The following GOLIM4 variants were observed in gnomAD, a reference collection of about 807,000 sequenced individuals.
The protein encoded by GOLIM4 is golgi integral membrane protein 4.
GOLIM4 carries 71 observed loss-of-function variants against 107.4 expected under a neutral mutation model. That is an observed-to-expected ratio of 0.66 (90% CI 0.55 to 0.81). GOLIM4 has a LOEUF of 0.81. GOLIM4 is among the 30% of genes least tolerant of loss of function. GOLIM4 has a pLI of 0.00. For synonymous variants in GOLIM4, 327 were observed against 294.8 expected, an observed-to-expected ratio of 1.11 and a Z score of -1.12; for missense variants, 830 against 826.1, an observed-to-expected ratio of 1.00 and a Z score of -0.06.
intron 1 of GOLIM4, among the ~76,000 whole-genome samples, chr3:168,083,137 C>CT (rs1260156674): frequency 1.3e-5 from 2 of 152,124 alleles, no homozygotes; most frequent in African/African-American, 4.8e-5. Context: ...CTACTTTTGA[C>CT]TTTATTAATA....
In GOLIM4 at chr3:168,062,024, C is replaced by A. The variant is rs563026341; in HGVS notation, c.188-13659G>T. Among the ~76,000 whole-genome samples the A allele has an allele frequency of 2.0e-5, 3 of 152,268 alleles. No individual in the cohort carries two copies. The South Asian group carries it at 6.2e-4, about 32-fold the overall frequency. On this transcript the variant is annotated intron_variant, in intron 1 of 15. Coordinates refer to ENST00000470487, the MANE Select transcript of GOLIM4 (RefSeq NM_014498.5). ...ATTTACAGACTGTATGAAAGAGCTA[C>A]CTGTTTATATCACATCATGCATTTG...
intron 8 of GOLIM4, among the ~76,000 whole-genome samples, chr3:168,036,531 GAC>G (rs1169432907): frequency 2.0e-5 from 3 of 149,346 alleles, no homozygotes; most frequent in Admixed American, 6.6e-5. Flanking sequence ...GACGTAGCAT[GAC>G]ACTGTCTCAG....
At chr3:168,010,540 T>C (rs1716944337) in intron 15 of GOLIM4, 122 bp from the exon 16 acceptor site, 3 of 787,762 alleles carry the variant, frequency 3.8e-6, no homozygotes, top group Non-Finnish European at 6.1e-6. Flanking sequence ...AGAAAAATGA[T>C]ATGTAAGCAA....
rs914235925 is a variant in GOLIM4 at position 168,095,542 on chromosome 3, G to A, written c.-257C>T. The stretch of plus-strand genomic sequence containing the variant: ...CGTTCTCCGCGAATGCCCGGGGCCG[G>A]GAGGAGGCCCTCCGCATACTTCAGA... On this transcript the variant is annotated 5_prime_UTR_variant, in exon 1 of 16. Transcript: ENST00000470487. 1.3e-5 allele frequency: 6 copies of A among 470,036 alleles called. No homozygotes were observed. The highest frequency in any genetic ancestry group is 1.1e-4 in the African/African-American group (5 of 47,486). The allele number at this position is 470,036 out of a possible 1,614,324, so 29.1% of individuals were successfully genotyped here.
At chr3:168,053,212 C>A (rs1218883172) in intron 1 of GOLIM4, among the ~76,000 whole-genome samples, 1 of 152,130 alleles carries the variant, frequency 6.6e-6, no homozygotes, top group East Asian at 1.9e-4. Context: ...GGGCAAAATG[C>A]ATATCTATGC....
At chr3:168,029,140 GT>G in intron 11 of GOLIM4, 82 bp downstream of exon 11, 2 of 887,656 alleles carry the variant, frequency 2.3e-6, no homozygotes, top group Admixed American at 3.7e-5. Context: ...GCTCATTGAT[GT>G]TATATAATAT....
intron 1 of GOLIM4, among the ~76,000 whole-genome samples, chr3:168,082,178 TA>T (rs1721405163): frequency 6.6e-6 from 1 of 152,134 alleles, no homozygotes; most frequent in African/African-American, 2.4e-5. Context: ...AAAATTGACA[TA>T]TATCTTCAGG....
chr3:168,040,158 T>C (rs948331906), intron 7 of GOLIM4, among the ~76,000 whole-genome samples: 6 of 152,194 alleles, frequency 3.9e-5, no homozygotes, highest in Non-Finnish European at 7.3e-5. Flanking sequence ...ACACTTAGCA[T>C]GAAATCGCTT....
chr3:168,076,100 T>C (rs1195801335), intron 1 of GOLIM4, among the ~76,000 whole-genome samples: 1 of 152,216 alleles, frequency 6.6e-6, no homozygotes, highest in Non-Finnish European at 1.5e-5. Context: ...AGAGACGACA[T>C]CTGCCTTTAT....
Position 168,080,000 on chromosome 3 carries a change from C to A in GOLIM4, c.187+15099G>T, listed in dbSNP as rs555480338. ...TACCTTTGTATTATTGTTGCTAATA[C>A]ATGATGCTAAATTTTCCTTTACATA... On this transcript the variant is annotated intron_variant, in intron 1 of 15. Coordinates refer to ENST00000470487, the MANE Select transcript of GOLIM4 (RefSeq NM_014498.5). Among the ~76,000 whole-genome samples, 33 of 152,196 alleles carry A rather than the reference C, an allele frequency of 2.2e-4. No homozygotes were observed. The East Asian group carries it at 6.4e-3, about 29-fold the overall frequency.
chr3:168,060,939 C>T (rs767409488), intron 1 of GOLIM4, among the ~76,000 whole-genome samples: 4 of 104,182 alleles, frequency 3.8e-5, no homozygotes, highest in Non-Finnish European at 9.1e-5. Flanking sequence ...GTAAAATTAA[C>T]TTTGTATGTG....
chr3:168,046,819 A>AT, intron 3 of GOLIM4, 131 bp downstream of exon 3: 1 of 440,098 alleles, frequency 2.3e-6, no homozygotes. Context: ...AAAAAAAAAA[A>AT]GGGGGTGTCA....
At chr3:168,076,245 AT>A (rs1325743546) in intron 1 of GOLIM4, among the ~76,000 whole-genome samples, 4 of 152,322 alleles carry the variant, frequency 2.6e-5, no homozygotes, top group East Asian at 1.9e-4. Flanking sequence ...GAATATGGTA[AT>A]TTTTTAAAAG....
chr3:168,095,090 TA>T lies in GOLIM4; in HGVS notation c.187+8del. ...TGGCCACCGGCTGCGCGCGTCCCGT[TA>T]GCCGTACCTTGTAACTGGGCGGAGA... On this transcript the variant is annotated splice_region_variant and intron_variant, in intron 1 of 15. Transcript: ENST00000470487. 1 of 1,589,982 alleles carries T rather than the reference TA, an allele frequency of 6.3e-7. No individual in the cohort carries two copies. The highest frequency in any genetic ancestry group is 1.1e-5 in the South Asian group (1 of 89,994).
At chr3:168,045,373 A>G (rs773191124) in intron 3 of GOLIM4, among the ~76,000 whole-genome samples, 1 of 152,172 alleles carries the variant, frequency 6.6e-6, no homozygotes, top group East Asian at 1.9e-4. Context: ...TTCTATATAC[A>G]TGATTTTACC....
At chr3:168,018,153 G>GATCAGAGAATAAGATCCTTGA (rs1421946126) in intron 14 of GOLIM4, among the ~76,000 whole-genome samples, 57 of 152,302 alleles carry the variant, frequency 3.7e-4, no homozygotes, top group African/African-American at 1.1e-3. Flanking sequence ...TCTTTTCTAG[G>GATCAGAGAATAAGATCCTTGA]ATCAGAGAAT....
chr3:168,086,120 T>C (rs570341028), intron 1 of GOLIM4, among the ~76,000 whole-genome samples: 121 of 152,316 alleles, frequency 7.9e-4, no homozygotes, highest in African/African-American at 2.7e-3. Flanking sequence ...ACTTGTTTTA[T>C]AGCATCCAAA....
At chr3:168,036,365 AC>A (rs775496427) in intron 8 of GOLIM4, among the ~76,000 whole-genome samples, 1 of 151,992 alleles carries the variant, frequency 6.6e-6, no homozygotes, top group Non-Finnish European at 1.5e-5. Flanking sequence ...ACATAGCGAA[AC>A]CCTGTCTCTA....
rs1361235082 is a variant in GOLIM4 at position 168,029,797 on chromosome 3, C to T, written c.1416G>A (p.Gln472=). The T allele has an allele frequency of 6.2e-7, 1 of 1,613,716 alleles. No homozygotes were observed. Among genetic ancestry groups the T allele is most frequent in the South Asian group, 1.1e-5 (1 of 91,048 alleles). Residue 472 remains glutamine, a synonymous_variant, in exon 10 of 16, where the codon CAG becomes CAA. Transcript: ENST00000470487. ...AAGGCTACCGGAGCTGCTCCTGGTG[C>T]TGCGGCCGGCCCTCCTCAAGCTCAG... ...RQAELEEGRP[Q]HQEQLRQQAH... is the part of the protein sequence containing the mutation.
Sources: allele counts gnomAD v4.1 joint callset (sites outside exome capture counted in the v4.1 genomes callset), GRCh38; gene constraint gnomAD v4.1.1; transcripts MANE v1.5; gene names NCBI Gene and HGNC (gene_info 2026-07-23, HGNC 2026-07-21).